The following TTC8 variants were observed in gnomAD, a reference collection of about 807,000 sequenced individuals.
The protein encoded by TTC8 is tetratricopeptide repeat protein 8.
A neutral mutation model predicts 72.5 loss-of-function variants in TTC8; 47 were observed. That is an observed-to-expected ratio of 0.65 (90% CI 0.51 to 0.83). TTC8 has a LOEUF of 0.83. TTC8 is among the 40% of genes least tolerant of loss of function. The pLI is 0.00. For synonymous variants in TTC8, 199 were observed against 221.4 expected, an observed-to-expected ratio of 0.90 and a Z score of 0.90; for missense variants, 611 against 623.2, an observed-to-expected ratio of 0.98 and a Z score of 0.21.
chr14:88,846,494 C>T, intron 7 of TTC8: 1 of 581,282 alleles, frequency 1.7e-6, no homozygotes, highest in Non-Finnish European at 3.0e-6. Flanking sequence ...GCCAGTGTGG[C>T]TGAGTGAGGC....
chr14:88,872,255 A>G, intron 12 of TTC8, 75 bp from the exon 13 acceptor site: 1 of 1,596,812 alleles, frequency 6.3e-7, no homozygotes, highest in South Asian at 1.1e-5. Flanking sequence ...TGGTAGCAGA[A>G]GAGATACCTA....
chr14:88,863,736 A>G (rs897624378), intron 10 of TTC8, among the ~76,000 whole-genome samples: 1 of 152,202 alleles, frequency 6.6e-6, no homozygotes, highest in Non-Finnish European at 1.5e-5. Flanking sequence ...GTGTATTCCT[A>G]CGTATAAGTA....
At chr14:88,825,203 C>T (rs1228220153) in intron 1 of TTC8, among the ~76,000 whole-genome samples, 3 of 152,212 alleles carry the variant, frequency 2.0e-5, no homozygotes, top group African/African-American at 7.2e-5. Flanking sequence ...TATGCATAAA[C>T]AAAGATCTGT....
rs1001296576 is a variant in TTC8 at position 88,863,098 on chromosome 14, G to A, written c.909+1766G>A. Among the ~76,000 whole-genome samples the A allele has an allele frequency of 3.9e-5, 6 of 152,002 alleles. No homozygotes were observed. In the East Asian group the frequency reaches 1.2e-3, roughly 30 times the overall value. On this transcript the variant is annotated intron_variant, in intron 10 of 14. Coordinates refer to ENST00000380656, the MANE Select transcript of TTC8 (RefSeq NM_144596.4). ...TGGGGAGGGGGTGGGTGGGCCGCCT[G>A]TCTTCCCATTCTCCATCATGATATA...
In TTC8 at chr14:88,872,334, T is replaced by C. The variant is rs1321826310; in HGVS notation, c.1229T>C (p.Ile410Thr). The C allele has an allele frequency of 1.2e-6, 2 of 1,613,530 alleles. No homozygotes were observed. Among genetic ancestry groups the C allele is most frequent in the African/African-American group, 1.3e-5 (1 of 74,850 alleles). The change falls in exon 13 of 15, where the codon ATA (isoleucine) becomes ACA (threonine). Residue 410 changes from isoleucine (I) to threonine (T), a missense_variant. Physicochemically the swap from Ile to Thr is moderately conservative, Grantham distance 89. Coordinates refer to ENST00000380656, the MANE Select transcript of TTC8 (RefSeq NM_144596.4). The stretch of plus-strand genomic sequence containing the variant: ...AACATAGGCTTTCTTTTGTAGGGAA[T>C]AGGAGATACAAATTTGGCCCATCAG... ...WYNLGHVAVG[I>T]GDTNLAHQCF...
At chr14:88,845,793 G>C (rs1392890564) in intron 7 of TTC8, among the ~76,000 whole-genome samples, 1 of 152,116 alleles carries the variant, frequency 6.6e-6, no homozygotes, top group African/African-American at 2.4e-5. Context: ...TTGAACCACA[G>C]TTCCAGCCCT....
intron 10 of TTC8, among the ~76,000 whole-genome samples, chr14:88,862,541 CATATATATATATATATATATATATAT>C (rs71130022): frequency 0.013 from 321 of 23,812 alleles, 23 homozygotes; most frequent in African/African-American, 0.021. Context: ...TCTCTCTCTC[CATATATATATATATATATATATATAT>C]ATATATATAT....
chr14:88,861,246 G>GTGAC lies in TTC8; in HGVS notation c.826_829dup (p.Ala277AspfsTer12). 2 of 1,612,756 alleles carry GTGAC rather than the reference G, an allele frequency of 1.2e-6. No homozygotes were observed. The highest frequency in any genetic ancestry group is 1.7e-6 in the Non-Finnish European group (2 of 1,179,254). ...GGTTTATGTCTCATTGGATCAACCT[G>GTGAC]TGACTGCTTTAAATCTTTTCAAACA... On this transcript the variant is annotated frameshift_variant, in exon 10 of 15. Coordinates refer to ENST00000380656, the MANE Select transcript of TTC8 (RefSeq NM_144596.4). LOFTEE classifies it high-confidence loss of function.
chr14:88,848,123 CAAAA>C lies in TTC8; in HGVS notation c.624+4296_624+4299del, dbSNP rs58210253. Reference sequence around the variant, plus strand: ...GGGCGACAAGAGCGAAACTCTGTCTCAAAAAAAAAAAAAAAAAAAAAAAAAAGCT... The same window carrying C: ...GGGCGACAAGAGCGAAACTCTGTCTCAAAAAAAAAAAAAAAAAAAAAAGCT... On this transcript the variant is annotated intron_variant, in intron 7 of 14. Transcript: ENST00000380656. 2.7e-3 allele frequency among the ~76,000 whole-genome samples: 48 copies of C among 17,672 alleles called. No homozygotes were observed. In the East Asian group the frequency reaches 0.059, roughly 22 times the overall value. The allele number at this position is 17,672 out of a possible 152,430, so 11.6% of individuals were successfully genotyped here. A position where few individuals can be genotyped will look rare whatever the true frequency, so the allele number is the denominator to read the frequency against.
At chr14:88,851,000 T>C (rs1281007631) in intron 7 of TTC8, among the ~76,000 whole-genome samples, 1 of 152,110 alleles carries the variant, frequency 6.6e-6, no homozygotes, top group African/African-American at 2.4e-5. Flanking sequence ...CATTGGTGGG[T>C]TTTAGGGATT....
chr14:88,869,952 C>A, intron 10 of TTC8, 107 bp from the exon 11 acceptor site: 1 of 1,125,832 alleles, frequency 8.9e-7, no homozygotes, highest in Non-Finnish European at 1.3e-6. Flanking sequence ...CACATGGTAG[C>A]CTCTCAATAA....
rs2141050480 is a variant in TTC8 at position 88,877,741 on chromosome 14, T to G, written c.*331T>G. The G allele has an allele frequency of 5.0e-6, 1 of 199,576 alleles. No homozygotes were observed. Among genetic ancestry groups the G allele is most frequent in the East Asian group, 1.3e-4 (1 of 7,460 alleles). 12.4% of individuals were successfully genotyped at this position (199,576 alleles called of 1,614,324 possible). On this transcript the variant is annotated 3_prime_UTR_variant, in exon 15 of 15. Coordinates refer to ENST00000380656, the MANE Select transcript of TTC8 (RefSeq NM_144596.4). ...CTCAATGTTTTATAAATGTACATTT[T>G]TTAAGTCCTTAAGCTGACTCTTAGC...
At chr14:88,836,045 A>G (rs2094749182) in intron 2 of TTC8, among the ~76,000 whole-genome samples, 1 of 152,234 alleles carries the variant, frequency 6.6e-6, no homozygotes, top group African/African-American at 2.4e-5. Context: ...GATAAAATTT[A>G]AAATTGAATA....
In TTC8 at chr14:88,857,088, G is replaced by C. The variant is rs942156358; in HGVS notation, c.711-102G>C. 1.7e-5 allele frequency: 17 copies of C among 983,872 alleles called. No homozygotes were observed. The Middle Eastern group carries it at 1.1e-3, about 66-fold the overall frequency. 60.9% of individuals were successfully genotyped at this position (983,872 alleles called of 1,614,324 possible). Reference sequence around the variant, plus strand: ...GTGTATGTGCAACATTACCTTCCTTGGTATGTGCTTCCTCTTATAATTTGT... The same window carrying C: ...GTGTATGTGCAACATTACCTTCCTTCGTATGTGCTTCCTCTTATAATTTGT... On this transcript the variant is annotated intron_variant, in intron 8 of 14. Transcript: ENST00000380656.
chr14:88,828,082 C>T (rs1184324448), intron 1 of TTC8, among the ~76,000 whole-genome samples: 1 of 152,130 alleles, frequency 6.6e-6, no homozygotes, highest in South Asian at 2.1e-4. Flanking sequence ...CTTCCCCTGC[C>T]CCATCCTTAA....
chr14:88,875,582 G>A (rs920913639), intron 14 of TTC8, among the ~76,000 whole-genome samples: 2 of 152,130 alleles, frequency 1.3e-5, no homozygotes, highest in Non-Finnish European at 2.9e-5. Context: ...GTTAGTATCC[G>A]AAAGCTAAAG....
At chr14:88,853,126 TG>T (rs2094840826) in intron 8 of TTC8, 70 bp downstream of exon 8, 1 of 1,124,408 alleles carries the variant, frequency 8.9e-7, no homozygotes, top group Admixed American at 1.8e-5. Flanking sequence ...TGATACTTTT[TG>T]AGGGGGGGGA....
intron 6 of TTC8, among the ~76,000 whole-genome samples, chr14:88,843,583 T>G (rs2094792209): frequency 6.6e-6 from 1 of 152,162 alleles, no homozygotes; most frequent in African/African-American, 2.4e-5. Flanking sequence ...ATTGTCTTTC[T>G]AATAAAATAC....
chr14:88,854,933 C>T (rs978374120), intron 8 of TTC8, among the ~76,000 whole-genome samples: 4 of 152,176 alleles, frequency 2.6e-5, no homozygotes, highest in African/African-American at 9.7e-5. Context: ...ACCATCCTCC[C>T]GCCTTGGCAT....
Sources: allele counts gnomAD v4.1 joint callset (sites outside exome capture counted in the v4.1 genomes callset), GRCh38; gene constraint gnomAD v4.1.1; transcripts MANE v1.5; gene names NCBI Gene and HGNC (gene_info 2026-07-23, HGNC 2026-07-21).